Variants in DNAH3 observed in about 807,000 individuals in gnomAD.
DNAH3 encodes the protein dynein axonemal heavy chain 3, also known as axonemal beta dynein heavy chain 3.
In DNAH3, 332 loss-of-function variants were observed where a neutral mutation model predicts 432.5. The observed-to-expected ratio is 0.77, with a 90% confidence interval of 0.70 to 0.84. The LOEUF is 0.84. Among genes scored for constraint, DNAH3 ranks in the 40% least tolerant of loss-of-function variants. The pLI, the probability that DNAH3 is intolerant of heterozygous loss-of-function variation, is 0.00. For synonymous variants in DNAH3, 1,956 were observed against 1,900.2 expected (o/e 1.03, Z -0.76); for missense variants, 4,861 against 5,114.0 (o/e 0.95, Z 1.51).
intron 5 of DNAH3, among the ~76,000 whole-genome samples, chr16:21,137,180 T>G (rs2092654968): frequency 6.6e-6 from 1 of 151,330 alleles, no homozygotes; most frequent in South Asian, 2.1e-4. Context: ...AGAGCTAGAA[T>G]TTACCCCCCG....
exon 61 of DNAH3, chr16:20,935,373 A>G (rs764207603): frequency 5.6e-6 from 9 of 1,613,914 alleles, no homozygotes; most frequent in African/African-American, 2.7e-5. Context: ...AATGTGGTCA[A>G]TGGGGATGGT....
chr16:20,948,348 G>T, intron 57 of DNAH3, 135 bp downstream of exon 57: 2 of 879,512 alleles, frequency 2.3e-6, no homozygotes, highest in Non-Finnish European at 3.4e-6. Context: ...GGGAATATTG[G>T]GAATAGCTTA....
chr16:20,975,149 C>A lies in DNAH3; in HGVS notation c.8259+84G>T, dbSNP rs1404624591. On this transcript the variant is annotated intron_variant, in intron 51 of 61. Coordinates refer to ENST00000261383, the Ensembl canonical transcript of DNAH3. ...CCCAGCCTTGCCTACCCTTTCTGAG[C>A]CTCACTTTTCTCATCCGTAAGATGG... is the stretch of plus-strand genomic sequence containing the variant. 6 of 1,513,416 alleles carry A rather than the reference C, an allele frequency of 4.0e-6. No homozygotes were observed. In the Admixed American group the frequency reaches 9.5e-5, roughly 24 times the overall value. The allele number at this position is 1,513,416 out of a possible 1,614,324, so 93.7% of individuals were successfully genotyped here. A position where few individuals can be genotyped will look rare whatever the true frequency, so the allele number is the denominator to read the frequency against.
intron 17 of DNAH3, among the ~76,000 whole-genome samples, 153 bp downstream of exon 17, chr16:21,098,463 A>G (rs2091750455): frequency 6.6e-6 from 1 of 151,414 alleles, no homozygotes. Context: ...AAAAAAGAAA[A>G]GAAAAAAGAA....
At chr16:20,985,393 A>T in exon 48 of DNAH3, 1 of 1,614,136 alleles carries the variant, frequency 6.2e-7, no homozygotes, top group Admixed American at 1.7e-5. Flanking sequence ...GTATGCGTTC[A>T]TGAATGTGGA....
At chr16:20,952,904 G>T (rs1024536778) in intron 55 of DNAH3, among the ~76,000 whole-genome samples, 2 of 152,134 alleles carry the variant, frequency 1.3e-5, no homozygotes, top group African/African-American at 4.8e-5. Flanking sequence ...CAGGAGCTAC[G>T]ACTGGGCAAC....
At chr16:20,959,498 G>T in intron 53 of DNAH3, 94 bp from the exon 54 acceptor site, 1 of 1,289,280 alleles carries the variant, frequency 7.8e-7, no homozygotes. Context: ...GGCTGGGTGT[G>T]GTGGCTCACA....
intron 14 of DNAH3, among the ~76,000 whole-genome samples, chr16:21,107,884 A>C (rs746135376): frequency 6.7e-5 from 10 of 150,174 alleles, no homozygotes; most frequent in Non-Finnish European, 1.3e-4. Context: ...CTTTTTTGAG[A>C]TGGAGTCTTG....
chr16:21,019,892 T>C, intron 40 of DNAH3, 23 bp from the exon 41 acceptor site: 1 of 1,611,848 alleles, frequency 6.2e-7, no homozygotes, highest in Non-Finnish European at 8.5e-7. Flanking sequence ...AAAGCGAATC[T>C]CAGGACAGAG....
chr16:21,111,181 A>G (rs2152803947), intron 14 of DNAH3, among the ~76,000 whole-genome samples: 1 of 152,348 alleles, frequency 6.6e-6, no homozygotes, highest in Middle Eastern at 3.4e-3. Flanking sequence ...TTTGAAAAAG[A>G]AAAAGATTGA....
At chr16:21,078,352 A>G (rs976130925) in intron 20 of DNAH3, among the ~76,000 whole-genome samples, 4 of 152,138 alleles carry the variant, frequency 2.6e-5, no homozygotes, top group African/African-American at 9.7e-5. Flanking sequence ...CCAATTAAAT[A>G]GAGCGGAGAA....
chr16:20,991,038 AAC>A (rs781020962), intron 44 of DNAH3, among the ~76,000 whole-genome samples: 81 of 151,450 alleles, frequency 5.3e-4, no homozygotes, highest in Non-Finnish European at 9.7e-4. Context: ...ACAAACAAAA[AAC>A]AAAACAAAAC....
intron 35 of DNAH3, 45 bp downstream of exon 35, chr16:21,036,669 A>G: frequency 6.3e-7 from 1 of 1,584,386 alleles, no homozygotes; most frequent in Non-Finnish European, 8.6e-7. Flanking sequence ...TGCTGACTTC[A>G]GCAAACAGTA....
chr16:20,955,026 A>G, exon 55 of DNAH3: 1 of 1,612,458 alleles, frequency 6.2e-7, no homozygotes, highest in Non-Finnish European at 8.5e-7. Context: ...CTGACTGGAA[A>G]CTTCTCTGAT....
intron 1 of DNAH3, among the ~76,000 whole-genome samples, chr16:21,152,750 T>A (rs2092868442): frequency 6.6e-6 from 1 of 152,212 alleles, no homozygotes; most frequent in African/African-American, 2.4e-5. Flanking sequence ...GGCCAGCGGC[T>A]GCGGAGGGTG....
At chr16:21,121,116 A>C in intron 10 of DNAH3, 1 of 579,264 alleles carries the variant, frequency 1.7e-6, no homozygotes, top group Non-Finnish European at 3.2e-6. Context: ...GAGAGTGAGA[A>C]GGTGGAAGGG....
At chr16:20,981,703 C>T (rs2017526) in intron 49 of DNAH3, among the ~76,000 whole-genome samples, 2,056 of 151,784 alleles carry the variant, frequency 0.014, 38 homozygotes, top group African/African-American at 0.047. Context: ...CCAACCTGGG[C>T]GACAGAGTGA....
intron 59 of DNAH3, among the ~76,000 whole-genome samples, chr16:20,939,241 C>G (rs977684914): frequency 6.6e-6 from 1 of 152,132 alleles, no homozygotes; most frequent in Non-Finnish European, 1.5e-5. Flanking sequence ...TGTCTCACAA[C>G]AGAGGTGGCC....
chr16:21,019,350 G>C (rs2088030198), intron 41 of DNAH3: 1 of 418,782 alleles, frequency 2.4e-6, no homozygotes, highest in Admixed American at 3.9e-5. Context: ...AATAGAGACG[G>C]GGTTTCACCA....
Sources: allele counts gnomAD v4.1 joint callset (sites outside exome capture counted in the v4.1 genomes callset), GRCh38; gene constraint gnomAD v4.1.1; transcripts MANE v1.5; gene names NCBI Gene and HGNC (gene_info 2026-07-23, HGNC 2026-07-21).